Variants in PPP1R9A observed in about 807,000 individuals in gnomAD.
The protein encoded by PPP1R9A is neurabin-1.
Under a neutral mutation model 141.9 loss-of-function variants are expected in PPP1R9A, and 59 were observed. The ratio of observed to expected loss-of-function variants is 0.42; its 90% CI spans 0.34 to 0.52. The LOEUF is 0.52. PPP1R9A is among the 20% of genes least tolerant of loss of function. The pLI, the probability that PPP1R9A is intolerant of heterozygous loss-of-function variation, is 0.10. For synonymous variants in PPP1R9A, 500 were observed against 569.7 expected, an observed-to-expected ratio of 0.88 and a Z score of 1.74; for missense variants, 1,444 against 1,611.9, an observed-to-expected ratio of 0.90 and a Z score of 1.78.
intron 2 of PPP1R9A, among the ~76,000 whole-genome samples, chr7:94,924,805 C>G (rs183075626): frequency 1.8e-3 from 274 of 152,244 alleles, no homozygotes; most frequent in Non-Finnish European, 2.9e-3. Context: ...GCTGGGATTA[C>G]AGGAGTGTGC....
intron 8 of PPP1R9A, among the ~76,000 whole-genome samples, chr7:95,246,951 CAG>C (rs1042479523): frequency 6.6e-6 from 1 of 152,150 alleles, no homozygotes; most frequent in Non-Finnish European, 1.5e-5. Flanking sequence ...AAATATGTAT[CAG>C]AGATTTCCCC....
At chr7:95,195,807 T>C (rs1836183000) in intron 5 of PPP1R9A, among the ~76,000 whole-genome samples, 1 of 151,948 alleles carries the variant, frequency 6.6e-6, no homozygotes, top group African/African-American at 2.4e-5. Context: ...TCCCAGCACT[T>C]TGGGGGGCCA....
chr7:95,252,442 T>G (rs1270849051), intron 12 of PPP1R9A, among the ~76,000 whole-genome samples: 4 of 151,586 alleles, frequency 2.6e-5, no homozygotes, highest in African/African-American at 9.7e-5. Flanking sequence ...ACTACACTAC[T>G]TATGTGTTAA....
chr7:95,169,199 T>C (rs1405708196), intron 5 of PPP1R9A, among the ~76,000 whole-genome samples: 1 of 151,916 alleles, frequency 6.6e-6, no homozygotes, highest in Admixed American at 6.6e-5. Flanking sequence ...TGAAATACTA[T>C]TTTGCCATAA....
At chr7:94,961,981 A>G (rs529021985) in intron 2 of PPP1R9A, among the ~76,000 whole-genome samples, 1 of 151,986 alleles carries the variant, frequency 6.6e-6, no homozygotes, top group South Asian at 2.1e-4. Flanking sequence ...TACTTTTTGA[A>G]TCTTCATTGG....
At position 95,180,434 on chromosome 7, in the gene PPP1R9A, T is replaced by A. The variant is rs190296203; in HGVS notation, c.1755-17915T>A. 2.4e-3 allele frequency among the ~76,000 whole-genome samples: 370 copies of A among 152,224 alleles called. 3 individuals carry two copies. Among genetic ancestry groups the A allele is most frequent in the Middle Eastern group, 3.4e-3 (1 of 294 alleles). On this transcript the variant is annotated intron_variant, in intron 5 of 19. Transcript: ENST00000433360. ...GTATAAGAATTCTAGAAAATAACAT[T>A]GGAAAAACCCTTCTAGACATTGGCT... is the stretch of plus-strand genomic sequence containing the variant.
At chr7:95,020,891 T>C (rs937024304) in intron 2 of PPP1R9A, among the ~76,000 whole-genome samples, 2 of 152,234 alleles carry the variant, frequency 1.3e-5, no homozygotes, top group African/African-American at 4.8e-5. Flanking sequence ...GCATTTGGGT[T>C]GGTTCCAAGT....
chr7:95,037,006 AAGTG>A (rs1230956317), intron 2 of PPP1R9A: 2 of 152,142 alleles, frequency 1.3e-5, no homozygotes, highest in Non-Finnish European at 2.9e-5. Flanking sequence ...TTCTCCTCCA[AAGTG>A]AGTGAGAGCA....
At chr7:95,051,740 A>G (rs578108069) in intron 2 of PPP1R9A, among the ~76,000 whole-genome samples, 9 of 152,306 alleles carry the variant, frequency 5.9e-5, no homozygotes, top group African/African-American at 1.9e-4. Context: ...ACTCAATTAC[A>G]AAAGATCCTT....
intron 2 of PPP1R9A, among the ~76,000 whole-genome samples, chr7:94,992,644 CTT>C (rs1801660850): frequency 6.6e-6 from 1 of 152,088 alleles, no homozygotes; most frequent in African/African-American, 2.4e-5. Context: ...GCTGGGCAGT[CTT>C]TTTAAATTTT....
At chr7:95,262,936 A>G (rs1159069916) in intron 12 of PPP1R9A, among the ~76,000 whole-genome samples, 6 of 152,280 alleles carry the variant, frequency 3.9e-5, no homozygotes, top group Admixed American at 6.5e-5. Context: ...CTAATTCAGT[A>G]CATCTTCCCC....
At chr7:95,227,627 T>C (rs1477395129) in intron 8 of PPP1R9A, among the ~76,000 whole-genome samples, 2 of 152,180 alleles carry the variant, frequency 1.3e-5, no homozygotes, top group African/African-American at 2.4e-5. Flanking sequence ...AGTTGAGTAG[T>C]TGCAATAGAG....
chr7:95,047,841 G>A (rs1810243580), intron 2 of PPP1R9A, among the ~76,000 whole-genome samples: 1 of 152,164 alleles, frequency 6.6e-6, no homozygotes, highest in Non-Finnish European at 1.5e-5. Context: ...TATAGAAAGT[G>A]TTTGAAGTTT....
intron 8 of PPP1R9A, among the ~76,000 whole-genome samples, chr7:95,227,457 T>A (rs1585350886): frequency 6.6e-6 from 1 of 152,208 alleles, no homozygotes; most frequent in Non-Finnish European, 1.5e-5. Flanking sequence ...ATAAATATTG[T>A]TTTAAGCATG....
At chr7:95,063,192 T>C (rs1812478215) in intron 2 of PPP1R9A, among the ~76,000 whole-genome samples, 1 of 152,186 alleles carries the variant, frequency 6.6e-6, no homozygotes, top group Non-Finnish European at 1.5e-5. Context: ...GAGAAAACAA[T>C]TCCTTTATTT....
At chr7:95,256,863 T>C (rs989558152) in intron 12 of PPP1R9A, among the ~76,000 whole-genome samples, 1 of 151,980 alleles carries the variant, frequency 6.6e-6, no homozygotes, top group Non-Finnish European at 1.5e-5. Flanking sequence ...GCAAAAACTA[T>C]GTATAAGGTA....
chr7:95,171,757 C>A (rs1164830961), intron 5 of PPP1R9A, among the ~76,000 whole-genome samples: 1 of 151,364 alleles, frequency 6.6e-6, no homozygotes, highest in Non-Finnish European at 1.5e-5. Flanking sequence ...GAAATAATAC[C>A]AACTCAACAT....
intron 3 of PPP1R9A, among the ~76,000 whole-genome samples, chr7:95,118,436 A>T (rs1418415402): frequency 3.9e-5 from 6 of 152,200 alleles, no homozygotes; most frequent in Admixed American, 3.3e-4. Flanking sequence ...ACCTATGCTT[A>T]GAATCAATGT....
At chr7:95,125,881 T>C (rs145764791) in intron 4 of PPP1R9A, among the ~76,000 whole-genome samples, 2,300 of 152,062 alleles carry the variant, frequency 0.015, 41 homozygotes, top group South Asian at 0.049. Flanking sequence ...GATTAAAGAG[T>C]CCTATTCTTT....
Sources: allele counts gnomAD v4.1 joint callset (sites outside exome capture counted in the v4.1 genomes callset), GRCh38; gene constraint gnomAD v4.1.1; transcripts MANE v1.5; gene names NCBI Gene and HGNC (gene_info 2026-07-23, HGNC 2026-07-21).